MMP16: variants seen among roughly 807,000 people sequenced by gnomAD.
MMP16 encodes the protein matrix metallopeptidase 16.
In MMP16, 12 loss-of-function variants were observed where a neutral mutation model predicts 67.8. The observed-to-expected ratio is 0.18, with a 90% CI of 0.11 to 0.29. The LOEUF (loss-of-function observed/expected upper bound fraction) is 0.29. Ranked by LOEUF, MMP16 falls within the 10% of genes least tolerant of loss-of-function variation. The pLI is 1.00. For missense variants in MMP16, 475 were observed against 765.7 expected, an observed-to-expected ratio of 0.62 and a Z score of 4.48; for synonymous variants, 249 against 255.9, an observed-to-expected ratio of 0.97 and a Z score of 0.26.
chr8:88,133,548 T>C (rs1808069027), intron 4 of MMP16, among the ~76,000 whole-genome samples: 1 of 151,856 alleles, frequency 6.6e-6, no homozygotes, highest in African/African-American at 2.4e-5. Flanking sequence ...TTTGCTACAG[T>C]AGTCACATTC....
intron 4 of MMP16, among the ~76,000 whole-genome samples, chr8:88,160,816 A>G (rs995645604): frequency 6.6e-6 from 1 of 152,004 alleles, no homozygotes; most frequent in African/African-American, 2.4e-5. Flanking sequence ...TCATGCTGCT[A>G]TAAAGACACA....
intron 4 of MMP16, among the ~76,000 whole-genome samples, chr8:88,137,993 A>G (rs1411058592): frequency 2.0e-5 from 3 of 151,962 alleles, no homozygotes; most frequent in African/African-American, 7.2e-5. Context: ...TATTTCATTT[A>G]ACAGTTGAAA....
At chr8:88,326,535 A>G (rs1377750205) in intron 1 of MMP16, among the ~76,000 whole-genome samples, 1 of 151,930 alleles carries the variant, frequency 6.6e-6, no homozygotes, top group Non-Finnish European at 1.5e-5. Flanking sequence ...CAGTGTATTA[A>G]GTTATGTCTA....
At chr8:88,319,256 T>C (rs1409334198) in intron 1 of MMP16, among the ~76,000 whole-genome samples, 2 of 152,180 alleles carry the variant, frequency 1.3e-5, no homozygotes, top group Non-Finnish European at 2.9e-5. Context: ...TTGACTTTTC[T>C]ATGTTTGTTC....
At chr8:88,185,115 T>G (rs1373153841) in intron 3 of MMP16, among the ~76,000 whole-genome samples, 5 of 152,062 alleles carry the variant, frequency 3.3e-5, no homozygotes, top group Non-Finnish European at 7.4e-5. Context: ...GACAATAATC[T>G]AGGATCATGC....
chr8:88,130,406 T>A (rs1201254482), intron 4 of MMP16, among the ~76,000 whole-genome samples: 1 of 151,776 alleles, frequency 6.6e-6, no homozygotes, highest in Non-Finnish European at 1.5e-5. Flanking sequence ...TTATCTGCTT[T>A]CTTTAGTTTG....
intron 1 of MMP16, among the ~76,000 whole-genome samples, chr8:88,264,555 G>C (rs1810444602): frequency 6.6e-6 from 1 of 152,110 alleles, no homozygotes; most frequent in Admixed American, 6.5e-5. Context: ...TAAAGTATTA[G>C]AAATACAGAC....
At chr8:88,305,026 C>A (rs1811191850) in intron 1 of MMP16, among the ~76,000 whole-genome samples, 1 of 152,112 alleles carries the variant, frequency 6.6e-6, no homozygotes, top group South Asian at 2.1e-4. Flanking sequence ...GAGCCAAGAT[C>A]CACTGGCATG....
intron 6 of MMP16, among the ~76,000 whole-genome samples, chr8:88,097,284 A>T (rs1809044693): frequency 6.6e-6 from 1 of 151,886 alleles, no homozygotes; most frequent in Non-Finnish European, 1.5e-5. Context: ...TAATTTGCCA[A>T]GGATCTTTTC....
chr8:88,311,701 G>A (rs1456794510), intron 1 of MMP16, among the ~76,000 whole-genome samples: 1 of 151,766 alleles, frequency 6.6e-6, no homozygotes, highest in Non-Finnish European at 1.5e-5. Flanking sequence ...GAAGATTCTG[G>A]GTTTTCATTA....
At chr8:88,092,480 C>T (rs1289541380) in intron 6 of MMP16, among the ~76,000 whole-genome samples, 1 of 151,792 alleles carries the variant, frequency 6.6e-6, no homozygotes, top group Non-Finnish European at 1.5e-5. Context: ...TTGTTAATGT[C>T]TCAAGTACTT....
At chr8:88,232,205 C>A (rs570758502) in intron 1 of MMP16, among the ~76,000 whole-genome samples, 3 of 152,224 alleles carry the variant, frequency 2.0e-5, no homozygotes, top group South Asian at 4.1e-4. Flanking sequence ...TTCTGAAGTA[C>A]CTTTCATCTC....
At chr8:88,137,525 C>T (rs1367740928) in intron 4 of MMP16, among the ~76,000 whole-genome samples, 1 of 151,930 alleles carries the variant, frequency 6.6e-6, no homozygotes, top group Non-Finnish European at 1.5e-5. Flanking sequence ...AAGATGTTCT[C>T]TTTGGATTTA....
At chr8:88,310,429 TA>T (rs1405491279) in intron 1 of MMP16, among the ~76,000 whole-genome samples, 2 of 152,048 alleles carry the variant, frequency 1.3e-5, no homozygotes, top group Non-Finnish European at 1.5e-5. Context: ...AAATGTAAGG[TA>T]AAGGCACCAT....
intron 6 of MMP16, among the ~76,000 whole-genome samples, chr8:88,108,598 G>A (rs1428835091): frequency 1.3e-5 from 2 of 151,330 alleles, no homozygotes; most frequent in Admixed American, 1.3e-4. Context: ...TATGCAGGGA[G>A]TGGTGATTGA....
At chr8:88,098,120 T>C (rs1445855874) in intron 6 of MMP16, among the ~76,000 whole-genome samples, 1 of 151,978 alleles carries the variant, frequency 6.6e-6, no homozygotes, top group Non-Finnish European at 1.5e-5. Context: ...AAAACTATTA[T>C]GCTCATCGAT....
intron 1 of MMP16, among the ~76,000 whole-genome samples, chr8:88,322,798 T>G (rs1811480801): frequency 6.6e-6 from 1 of 152,084 alleles, no homozygotes; most frequent in Non-Finnish European, 1.5e-5. Context: ...TGAGCTATGA[T>G]CACGTCATGT....
intron 1 of MMP16, among the ~76,000 whole-genome samples, chr8:88,261,301 GA>G (rs1372055841): frequency 2.0e-5 from 3 of 151,950 alleles, no homozygotes; most frequent in Non-Finnish European, 4.4e-5. Flanking sequence ...ACATTTAGGA[GA>G]CAAACATGCC....
intron 6 of MMP16, among the ~76,000 whole-genome samples, chr8:88,101,871 C>T (rs1235914590): frequency 6.6e-6 from 1 of 151,832 alleles, no homozygotes; most frequent in Non-Finnish European, 1.5e-5. Flanking sequence ...CATATCCCTG[C>T]TATCTGGCTG....
Sources: allele counts gnomAD v4.1 joint callset (sites outside exome capture counted in the v4.1 genomes callset), GRCh38; gene constraint gnomAD v4.1.1; transcripts MANE v1.5; gene names NCBI Gene and HGNC (gene_info 2026-07-23, HGNC 2026-07-21).